The following CDH2 variants were observed in gnomAD, a reference collection of about 807,000 sequenced individuals.
CDH2 encodes cadherin 2.
A neutral mutation model predicts 92.0 loss-of-function variants in CDH2; 17 were observed. The ratio of observed to expected loss-of-function variants is 0.18; its 90% confidence interval spans 0.13 to 0.28. The LOEUF (loss-of-function observed/expected upper bound fraction) is 0.28. Ranked by LOEUF, CDH2 falls within the 10% of genes least tolerant of loss-of-function variation. The probability of loss-of-function intolerance (pLI) is 1.00; values close to 1 mark genes in which losing one functional copy is unlikely to be tolerated. For missense variants in CDH2, 862 were observed against 1,133.1 expected, an observed-to-expected ratio of 0.76 and a Z score of 3.44; for synonymous variants, 419 against 415.9, an observed-to-expected ratio of 1.01 and a Z score of -0.09.
At chr18:28,047,872 A>C (rs113344365) in intron 2 of CDH2, among the ~76,000 whole-genome samples, 75 of 143,822 alleles carry the variant, frequency 5.2e-4, no homozygotes, top group African/African-American at 1.8e-3. Flanking sequence ...CCATCTCAAA[A>C]AAAAAAAAAA....
In CDH2 at chr18:28,002,969, A is replaced by G. The variant is rs574658070; in HGVS notation, c.1020+28T>C. 50 of 1,601,544 alleles carry G rather than the reference A, an allele frequency of 3.1e-5. No homozygotes were observed. In the South Asian group the frequency reaches 5.4e-4, roughly 17 times the overall value. ...TGTGCACCTTTAAGATTAAAAACAA[A>G]CACAAATAGAGTTTTTGGTTGGCTT... On this transcript the variant is annotated intron_variant, in intron 7 of 15. Coordinates refer to ENST00000269141, the MANE Select transcript of CDH2 (RefSeq NM_001792.5).
At chr18:28,075,478 A>G (rs1270506280) in intron 2 of CDH2, among the ~76,000 whole-genome samples, 2 of 152,186 alleles carry the variant, frequency 1.3e-5, no homozygotes, top group African/African-American at 4.8e-5. Flanking sequence ...AAAGGTCTCC[A>G]TGGGATGAAC....
intron 2 of CDH2, among the ~76,000 whole-genome samples, chr18:28,125,807 T>C (rs2015667831): frequency 6.6e-6 from 1 of 152,058 alleles, no homozygotes; most frequent in Non-Finnish European, 1.5e-5. Flanking sequence ...TCAGGTTTCA[T>C]TTACAATCCA....
At chr18:28,099,611 A>C (rs2015194198) in intron 2 of CDH2, among the ~76,000 whole-genome samples, 1 of 152,176 alleles carries the variant, frequency 6.6e-6, no homozygotes, top group Admixed American at 6.6e-5. Flanking sequence ...TAAGGGCAAA[A>C]CCAACCAAAC....
At chr18:28,043,890 A>AGTTTTTTT (rs2014013411) in intron 2 of CDH2, among the ~76,000 whole-genome samples, 3 of 91,470 alleles carry the variant, frequency 3.3e-5, no homozygotes, top group African/African-American at 1.2e-4. Context: ...AGAATCTCGG[A>AGTTTTTTT]TTTTTTTTTT....
At chr18:27,991,244 T>C (rs1048433596) in intron 9 of CDH2, among the ~76,000 whole-genome samples, 2 of 152,166 alleles carry the variant, frequency 1.3e-5, no homozygotes, top group Non-Finnish European at 2.9e-5. Flanking sequence ...AACAAGAGCA[T>C]TAAGATCTCT....
chr18:28,029,369 T>C (rs1287323570), intron 2 of CDH2, among the ~76,000 whole-genome samples: 1 of 152,152 alleles, frequency 6.6e-6, no homozygotes, highest in Admixed American at 6.6e-5. Context: ...ATGCCAGTTA[T>C]TTTTATTTAG....
intron 14 of CDH2, among the ~76,000 whole-genome samples, chr18:27,964,161 G>GA (rs1387401310): frequency 1.3e-5 from 2 of 152,190 alleles, no homozygotes; most frequent in African/African-American, 4.8e-5. Flanking sequence ...CCCTACTGAG[G>GA]AAAAGTTTGC....
intron 2 of CDH2, among the ~76,000 whole-genome samples, chr18:28,088,896 T>A (rs1422529431): frequency 6.6e-6 from 1 of 152,136 alleles, no homozygotes; most frequent in Non-Finnish European, 1.5e-5. Flanking sequence ...ACAAAAAGAC[T>A]ACAGTGCCAA....
At chr18:28,064,320 G>C (rs1205996521) in intron 2 of CDH2, among the ~76,000 whole-genome samples, 1 of 151,874 alleles carries the variant, frequency 6.6e-6, no homozygotes, top group Non-Finnish European at 1.5e-5. Context: ...TGTCACCCAG[G>C]CTAGATGCCC....
In CDH2 at chr18:28,177,060, C is replaced by CGGA; in HGVS notation, c.-39_-38insTCC. 1 of 1,128,676 alleles carries CGGA rather than the reference C, an allele frequency of 8.9e-7. No individual in the cohort carries two copies. The allele number at this position is 1,128,676 out of a possible 1,614,324, so 69.9% of individuals were successfully genotyped here. The stretch of plus-strand genomic sequence containing the variant: ...GGGCCGAGCGAAGAGCCGGAGGAGG[C>CGGA]GGCGGCGGCGGCGGCGGCGGCGGAG... On this transcript the variant is annotated 5_prime_UTR_variant, in exon 1 of 16. Coordinates refer to ENST00000269141, the MANE Select transcript of CDH2 (RefSeq NM_001792.5).
chr18:28,068,187 G>A (rs1465292358), intron 2 of CDH2, among the ~76,000 whole-genome samples: 3 of 152,320 alleles, frequency 2.0e-5, no homozygotes, highest in Non-Finnish European at 4.4e-5. Context: ...GAAGCAAGGA[G>A]TAGATGCGAA....
chr18:28,008,622 C>T (rs2013009476), intron 5 of CDH2, among the ~76,000 whole-genome samples: 1 of 151,728 alleles, frequency 6.6e-6, no homozygotes. Flanking sequence ...GGAAGGATAG[C>T]ATTAGGAGAA....
chr18:27,977,512 T>A (rs1803024068), intron 14 of CDH2, among the ~76,000 whole-genome samples: 2 of 152,160 alleles, frequency 1.3e-5, no homozygotes, highest in Admixed American at 1.3e-4. Flanking sequence ...AAAAGACTAC[T>A]TTGCTTTGTT....
chr18:28,094,707 T>C (rs2015096902), intron 2 of CDH2, among the ~76,000 whole-genome samples: 1 of 144,794 alleles, frequency 6.9e-6, no homozygotes, highest in African/African-American at 2.6e-5. Flanking sequence ...GGCAGGAGAA[T>C]GGCGTGAACC....
chr18:28,042,639 C>A (rs999627513), intron 2 of CDH2, among the ~76,000 whole-genome samples: 6 of 152,000 alleles, frequency 3.9e-5, no homozygotes, highest in African/African-American at 1.4e-4. Flanking sequence ...AAAAGAGAAA[C>A]CATAAAAATA....
At chr18:28,123,794 G>A (rs1383885662) in intron 2 of CDH2, among the ~76,000 whole-genome samples, 2 of 152,078 alleles carry the variant, frequency 1.3e-5, no homozygotes, top group Non-Finnish European at 2.9e-5. Context: ...GCAAGACCAT[G>A]CATGATGTGA....
intron 2 of CDH2, among the ~76,000 whole-genome samples, chr18:28,089,733 G>GT (rs1377972175): frequency 6.6e-6 from 1 of 152,118 alleles, no homozygotes; most frequent in African/African-American, 2.4e-5. Context: ...AGAAAGTAAG[G>GT]TTAGCCAAAT....
Position 27,992,742 on chromosome 18 carries a change from C to T in CDH2, c.1257G>A (p.Val419=), listed in dbSNP as rs1427841599. Residue 419 remains valine, a synonymous_variant, in exon 9 of 16, where the codon GTG becomes GTA. Coordinates refer to ENST00000269141, the MANE Select transcript of CDH2 (RefSeq NM_001792.5). ...DQPHTPAWNA[V]YRISGGDPTG... ...TAGGATCTCCGCCACTGATTCTGTA[C>T]ACTGCGTTCCAGGCTGGTGTATGGG... is the stretch of plus-strand genomic sequence containing the variant. The T allele has an allele frequency of 7.4e-6, 12 of 1,613,910 alleles. No homozygotes were observed. The highest frequency in any genetic ancestry group is 9.3e-6 in the Non-Finnish European group (11 of 1,179,952).
Sources: allele counts gnomAD v4.1 joint callset (sites outside exome capture counted in the v4.1 genomes callset), GRCh38; gene constraint gnomAD v4.1.1; transcripts MANE v1.5; gene names NCBI Gene and HGNC (gene_info 2026-07-23, HGNC 2026-07-21).